ANO7: variants seen among roughly 807,000 people sequenced by gnomAD.
The protein encoded by ANO7 is anoctamin 7, also known as anoctamin-7.
ANO7 carries 114 observed loss-of-function variants against 115.8 expected under a neutral mutation model. That is an observed-to-expected ratio of 0.98 (90% confidence interval 0.85 to 1.15). The LOEUF (loss-of-function observed/expected upper bound fraction) is 1.15, where lower values mean the gene tolerates loss of function less well. Among genes scored for constraint, ANO7 ranks in the 50% most tolerant of loss-of-function variants. The pLI is 0.00. For synonymous variants in ANO7, 550 were observed against 498.2 expected (o/e 1.10, Z -1.38); for missense variants, 1,302 against 1,201.2 (o/e 1.08, Z -1.24).
At chr2:241,222,469 T>TC (rs1312753556) in intron 21 of ANO7, among the ~76,000 whole-genome samples, 1 of 152,070 alleles carries the variant, frequency 6.6e-6, no homozygotes, top group Non-Finnish European at 1.5e-5. Context: ...GGTCTCGTCG[T>TC]CACTGTCTCC....
rs908027401 is a variant in ANO7, at chr2:241,224,015, C to T, written c.2583+60C>T. The T allele has an allele frequency of 1.1e-5, 17 of 1,613,362 alleles. No individual in the cohort carries two copies. In the South Asian group the frequency reaches 1.9e-4, roughly 18 times the overall value. On this transcript the variant is annotated intron_variant, in intron 24 of 24. Coordinates refer to ENST00000674324, the MANE Select transcript of ANO7 (RefSeq NM_001370694.2). ...CACTCCCTGAGGTCACAGGGCCCTG[C>T]CCAGCCGCCCACTGTGCCTCGTGGC...
At chr2:241,198,454 G>C (rs1343740463) in intron 4 of ANO7, among the ~76,000 whole-genome samples, 2 of 152,228 alleles carry the variant, frequency 1.3e-5, no homozygotes, top group Non-Finnish European at 2.9e-5. Context: ...ATCCAGACTC[G>C]AGCAGGTTTG....
intron 23 of ANO7, 42 bp downstream of exon 23, chr2:241,223,823 T>C: frequency 1.9e-6 from 3 of 1,613,862 alleles, no homozygotes; most frequent in East Asian, 4.5e-5. Flanking sequence ...CCCAGCCCTC[T>C]CCCTATCCTT....
the ANO7 span, chr2:241,235,021 G>T: frequency 4.9e-6 from 7 of 1,427,128 alleles, no homozygotes; most frequent in African/African-American, 9.8e-5. Context: ...GCCAGATGTC[G>T]CTGGGATGCT....
At chr2:241,239,854 C>A in the ANO7 span, 1 of 1,611,556 alleles carries the variant, frequency 6.2e-7, no homozygotes, top group African/African-American at 1.3e-5. The surrounding 1 kb of genome is among the most constrained non-coding windows in gnomAD (Gnocchi z 4.6). Flanking sequence ...AGATAAGCCA[C>A]CCCATCACGG....
At chr2:241,235,708 T>C in the ANO7 span, 2 of 683,790 alleles carry the variant, frequency 2.9e-6, no homozygotes, top group East Asian at 2.6e-5. Context: ...ACAACAGCAA[T>C]GTGCCCCACC....
chr2:241,223,189 T>C lies in ANO7; in HGVS notation c.2325T>C (p.Tyr775=). Residue 775 remains tyrosine, a synonymous_variant, in exon 22 of 25, where the codon TAT becomes TAC. Coordinates refer to ENST00000674324, the MANE Select transcript of ANO7 (RefSeq NM_001370694.2). Reference sequence around the variant, plus strand: ...CTGAGTCCTGTGTCTGCTGCAGGTATCGGGCTTTCCGGGATGACGATGGAC... The same window carrying C: ...CTGAGTCCTGTGTCTGCTGCAGGTACCGGGCTTTCCGGGATGACGATGGAC... ...FAAAHNRTCR[Y]RAFRDDDGHY... The C allele has an allele frequency of 6.2e-7, 1 of 1,614,136 alleles. No homozygotes were observed. The highest frequency in any genetic ancestry group is 8.5e-7 in the Non-Finnish European group (1 of 1,179,970).
At chr2:241,234,110 C>CGA in the ANO7 span, 1 of 817,416 alleles carries the variant, frequency 1.2e-6, no homozygotes, top group Non-Finnish European at 1.9e-6. Context: ...CTCTCTGGTC[C>CGA]GACCTCTGCC....
At chr2:241,195,243 C>T (rs1192334659) in intron 3 of ANO7, among the ~76,000 whole-genome samples, 3 of 152,182 alleles carry the variant, frequency 2.0e-5, no homozygotes, top group Non-Finnish European at 4.4e-5. Context: ...TCACCTCGCA[C>T]GCTCCTCTTA....
chr2:241,195,979 C>G, intron 4 of ANO7, 134 bp downstream of exon 4: 1 of 1,559,024 alleles, frequency 6.4e-7, no homozygotes, highest in Non-Finnish European at 8.7e-7. Flanking sequence ...CTGCTGGACC[C>G]CCCAGCCACC....
Position 241,191,232 on chromosome 2 carries a change from T to C in ANO7, c.147T>C (p.Ser49=), listed in dbSNP as rs2149096853. ...AAGCGGCCGCCTGCAGAGCTGGGAGTCCTGCCAAGCCCCGGATCGGTGAGC... is the reference window on the plus strand; with the variant it reads ...AAGCGGCCGCCTGCAGAGCTGGGAGCCCTGCCAAGCCCCGGATCGGTGAGC... ...GQQAAACRAG[S]PAKPRIADFV... is the part of the protein sequence containing the mutation. The change falls in exon 3 of 25, where the codon AGT becomes AGC. Residue 49 remains serine, a synonymous_variant. Transcript: ENST00000674324. The C allele has an allele frequency of 6.2e-6, 10 of 1,613,388 alleles. No homozygotes were observed. The highest frequency in any genetic ancestry group is 5.5e-5 in the South Asian group (5 of 91,052).
At chr2:241,200,749 C>T (rs1030980594) in intron 6 of ANO7, among the ~76,000 whole-genome samples, 1 of 152,258 alleles carries the variant, frequency 6.6e-6, no homozygotes, top group African/African-American at 2.4e-5. Flanking sequence ...GGAACCAGTG[C>T]TGAAGGCGGC....
the ANO7 span, chr2:241,236,575 G>A: frequency 6.2e-7 from 1 of 1,606,846 alleles, no homozygotes; most frequent in South Asian, 1.1e-5. Context: ...CTGCTGACTG[G>A]GCCTTGGCGG....
At position 241,204,963 on chromosome 2, in the gene ANO7, T is replaced by C. The variant is rs754286309; in HGVS notation, c.980+8T>C. On this transcript the variant is annotated splice_region_variant and intron_variant, in intron 10 of 24. Transcript: ENST00000674324. ...GTTCTCAGACATACCCACGTGAGTG[T>C]TCCCTCTCCGCAGCTCTGGGGCCTG... 1 of 1,613,414 alleles carries C rather than the reference T, an allele frequency of 6.2e-7. No homozygotes were observed.
chr2:241,202,794 G>C (rs1460734201), intron 8 of ANO7, among the ~76,000 whole-genome samples: 4 of 152,228 alleles, frequency 2.6e-5, no homozygotes, highest in Non-Finnish European at 5.9e-5. Flanking sequence ...TTCCCCCTTG[G>C]CCGAGCAGGG....
chr2:241,210,286 C>A lies in ANO7; in HGVS notation c.1360-9C>A, dbSNP rs763630931. On this transcript the variant is annotated splice_polypyrimidine_tract_variant and intron_variant, in intron 13 of 24. Coordinates refer to ENST00000674324, the MANE Select transcript of ANO7 (RefSeq NM_001370694.2). ...GTGAAGGGTCTCACGGGCCTCCCTG[C>A]CCCCGCAGGTGGCCGTGGTGGTCAT... 5.0e-6 allele frequency: 8 copies of A among 1,613,382 alleles called. No homozygotes were observed. Among genetic ancestry groups the A allele is most frequent in the East Asian group, 4.5e-5 (2 of 44,878 alleles).
At position 241,223,732 on chromosome 2, in the gene ANO7, A is replaced by G. The variant is rs1362276672; in HGVS notation, c.2483A>G (p.Lys828Arg). 1 of 1,614,130 alleles carries G rather than the reference A, an allele frequency of 6.2e-7. No homozygotes were observed. Among genetic ancestry groups the G allele is most frequent in the Non-Finnish European group, 8.5e-7 (1 of 1,180,010 alleles). The change falls in exon 23 of 25, where the codon AAA becomes AGA. Residue 828 changes from lysine to arginine, a missense_variant. Physicochemically the swap from Lys to Arg is conservative, Grantham distance 26. Transcript: ENST00000674324. The stretch of plus-strand genomic sequence containing the variant: ...GACATCCCAGAGTCTGTGGAGATCA[A>G]AGTGAAGCGGGAGTACTACCTGGCT... ...VPDIPESVEIKVKREYYLAKQ... is the reference protein window; with the variant it reads ...VPDIPESVEIRVKREYYLAKQ...
At chr2:241,199,093 C>G in intron 4 of ANO7, 1 of 530,334 alleles carries the variant, frequency 1.9e-6, no homozygotes, top group East Asian at 3.3e-5. Context: ...TGCAGCAAAT[C>G]TGTTGCTGGG....
At chr2:241,210,680 TTTC>T in intron 15 of ANO7, 110 bp downstream of exon 15, 1 of 883,946 alleles carries the variant, frequency 1.1e-6, no homozygotes, top group Middle Eastern at 2.2e-4. Flanking sequence ...TTTCTATTTC[TTTC>T]TTCTTTTTTC....
Sources: gnomAD v4.1 joint callset for allele counts (sites outside exome capture counted in the v4.1 genomes callset) on GRCh38, gnomAD v4.1.1 for gene constraint, Gnocchi (gnomAD v3.1) non-coding constraint, MANE v1.5 for transcripts, NCBI Gene and HGNC (gene_info 2026-07-23, HGNC 2026-07-21) for gene names.